RFX4: variants seen among roughly 807,000 people sequenced by gnomAD.
RFX4 encodes the protein regulatory factor X4, also known as transcription factor RFX4.
In RFX4, 10 loss-of-function variants were observed where a neutral mutation model predicts 95.0. The ratio of observed to expected loss-of-function variants is 0.11; its 90% CI spans 0.06 to 0.18. The LOEUF is 0.18. Among genes scored for constraint, RFX4 ranks in the 10% least tolerant of loss-of-function variants. The pLI is 1.00. For missense variants in RFX4, 640 were observed against 922.0 expected, an observed-to-expected ratio of 0.69 and a Z score of 3.96; for synonymous variants, 321 against 340.7, an observed-to-expected ratio of 0.94 and a Z score of 0.64.
chr12:106,597,411 G>C (rs1445713639), intron 1 of RFX4, among the ~76,000 whole-genome samples: 1 of 152,158 alleles, frequency 6.6e-6, no homozygotes, highest in Non-Finnish European at 1.5e-5. Flanking sequence ...GAATCAAACA[G>C]GAAAGGTGAT....
At chr12:106,705,672 A>T (rs2042070560) in intron 8 of RFX4, among the ~76,000 whole-genome samples, 1 of 152,040 alleles carries the variant, frequency 6.6e-6, no homozygotes, top group Admixed American at 6.5e-5. Context: ...AGTGTTGGAG[A>T]AACTGAATGG....
chr12:106,733,160 A>G lies in RFX4; in HGVS notation c.1633+75A>G, dbSNP rs772559595. ...GGCTTTCTGCCAGCCTGGGCAACATAGTGAGACTTCATTTCCACACACACA... is the reference window on the plus strand; with the variant it reads ...GGCTTTCTGCCAGCCTGGGCAACATGGTGAGACTTCATTTCCACACACACA... On this transcript the variant is annotated intron_variant, in intron 15 of 17. Coordinates refer to ENST00000392842, the MANE Select transcript of RFX4 (RefSeq NM_213594.3). 2.7e-6 allele frequency: 4 copies of G among 1,486,788 alleles called. No individual in the cohort carries two copies. In the Admixed American group the frequency reaches 6.8e-5, roughly 25 times the overall value. The allele number at this position is 1,486,788 out of a possible 1,614,324, so 92.1% of individuals were successfully genotyped here.
chr12:106,697,516 G>C (rs188322601), intron 8 of RFX4, among the ~76,000 whole-genome samples: 1 of 151,270 alleles, frequency 6.6e-6, no homozygotes, highest in Non-Finnish European at 1.5e-5. Flanking sequence ...CCACAAACTG[G>C]CGGGGTGACT....
At chr12:106,662,689 T>A (rs975072635) in intron 4 of RFX4, among the ~76,000 whole-genome samples, 2 of 152,156 alleles carry the variant, frequency 1.3e-5, no homozygotes, top group Admixed American at 1.3e-4. Context: ...TGTTTTACAG[T>A]TTTGTGTTTT....
At chr12:106,728,694 T>C (rs1304048810) in intron 13 of RFX4, among the ~76,000 whole-genome samples, 1 of 152,212 alleles carries the variant, frequency 6.6e-6, no homozygotes, top group Non-Finnish European at 1.5e-5. Flanking sequence ...TATCTCCTTT[T>C]CATTTTCCTG....
At chr12:106,679,091 A>G (rs1464270158) in intron 4 of RFX4, among the ~76,000 whole-genome samples, 4 of 152,220 alleles carry the variant, frequency 2.6e-5, no homozygotes, top group African/African-American at 9.6e-5. Context: ...TGAGTATTCC[A>G]GTTTTACTAC....
At chr12:106,754,550 C>T (rs2043074491) in intron 17 of RFX4, among the ~76,000 whole-genome samples, 2 of 152,128 alleles carry the variant, frequency 1.3e-5, no homozygotes, top group Admixed American at 6.6e-5. Flanking sequence ...TTCCTCATTC[C>T]CCCTCATGAA....
intron 13 of RFX4, among the ~76,000 whole-genome samples, chr12:106,730,067 C>T (rs751243622): frequency 1.3e-4 from 20 of 151,864 alleles, no homozygotes; most frequent in Non-Finnish European, 2.6e-4. Context: ...TCTGTGGGAA[C>T]AAGGACAGGA....
rs2039453273 is a variant in RFX4 at position 106,586,118 on chromosome 12, C to T, written c.43+2755C>T. ...TGCCGAGCCCGACAAAGCAAAGCCCCTCTCGGAGGCAAAGCCCCAGCTTGC... is the reference window on the plus strand; with the variant it reads ...TGCCGAGCCCGACAAAGCAAAGCCCTTCTCGGAGGCAAAGCCCCAGCTTGC... On this transcript the variant is annotated intron_variant, in intron 1 of 17. Coordinates refer to ENST00000392842, the MANE Select transcript of RFX4 (RefSeq NM_213594.3). This position sits in a 1 kb window ranked among gnomAD's most constrained non-coding sequence, Gnocchi z 5.6. 6.6e-6 allele frequency: 1 copy of T among 152,248 alleles called. No homozygotes were observed. The highest frequency in any genetic ancestry group is 1.5e-5 in the Non-Finnish European group (1 of 68,040). The allele number at this position is 152,248 out of a possible 1,614,324, so 9.4% of individuals were successfully genotyped here. A position where few individuals can be genotyped will look rare whatever the true frequency, so the allele number is the denominator to read the frequency against.
chr12:106,715,380 T>A lies in RFX4; in HGVS notation c.994-20T>A. 1 of 1,607,114 alleles carries A rather than the reference T, an allele frequency of 6.2e-7. No homozygotes were observed. Among genetic ancestry groups the A allele is most frequent in the Non-Finnish European group, 8.5e-7 (1 of 1,174,898 alleles). ...TTTTAACAACCCATGAGCTAACGAG[T>A]TGATTGGATTGGATTATAGGCATCT... On this transcript the variant is annotated intron_variant, in intron 10 of 17. Coordinates refer to ENST00000392842, the MANE Select transcript of RFX4 (RefSeq NM_213594.3).
chr12:106,732,933 G>A lies in RFX4; in HGVS notation c.1481G>A (p.Arg494Gln), dbSNP rs201949313. The A allele has an allele frequency of 1.2e-4, 191 of 1,613,904 alleles. No homozygotes were observed. The East Asian group carries it at 1.9e-3, about 16-fold the overall frequency. The change falls in exon 15 of 18, where the codon CGA becomes CAA. Residue 494 changes from arginine (R) to glutamine (Q), a missense_variant. Coordinates refer to ENST00000392842, the MANE Select transcript of RFX4 (RefSeq NM_213594.3). ...MKGEGSTAEV[R>Q]EEIILTEAAA... Reference sequence around the variant, plus strand: ...CTATCTCTATCCACAGCAGAAGTCCGAGAAGAGATCATCTTGACAGAGGCT... The same window carrying A: ...CTATCTCTATCCACAGCAGAAGTCCAAGAAGAGATCATCTTGACAGAGGCT...
At chr12:106,590,240 C>G (rs1379192160) in intron 1 of RFX4, among the ~76,000 whole-genome samples, 1 of 152,196 alleles carries the variant, frequency 6.6e-6, no homozygotes, top group Non-Finnish European at 1.5e-5. Context: ...GGGATTGATA[C>G]AACCAGCTGA....
chr12:106,601,209 A>T (rs1021227198), intron 1 of RFX4: 23 of 1,542,570 alleles, frequency 1.5e-5, no homozygotes, highest in African/African-American at 2.7e-5. Flanking sequence ...GGGCTTCTCC[A>T]AACTCCTGTG....
intron 11 of RFX4, among the ~76,000 whole-genome samples, chr12:106,715,838 T>A (rs2042278846): frequency 6.6e-6 from 1 of 152,120 alleles, no homozygotes; most frequent in South Asian, 2.1e-4. Flanking sequence ...TCCATGGAGG[T>A]GGCATTAAAT....
At position 106,762,357 on chromosome 12, in the gene RFX4, C is replaced by T. The variant is rs543106072; in HGVS notation, c.*888C>T. 1.1e-4 allele frequency: 17 copies of T among 152,576 alleles called. No homozygotes were observed. The highest frequency in any genetic ancestry group is 4.1e-4 in the African/African-American group (17 of 41,504). The allele number at this position is 152,576 out of a possible 1,614,324, so 9.5% of individuals were successfully genotyped here. ...GGAACAAACTTTAACTTACCAAGCA[C>T]CAAGTGTGAAAGTGACTTTCACGGT... On this transcript the variant is annotated 3_prime_UTR_variant, in exon 18 of 18. Coordinates refer to ENST00000392842, the MANE Select transcript of RFX4 (RefSeq NM_213594.3).
In RFX4 at chr12:106,715,395, T is replaced by C; in HGVS notation, c.994-5T>C. 3.7e-6 allele frequency: 6 copies of C among 1,613,876 alleles called. No individual in the cohort carries two copies. The highest frequency in any genetic ancestry group is 5.1e-6 in the Non-Finnish European group (6 of 1,179,836). The stretch of plus-strand genomic sequence containing the variant: ...AGCTAACGAGTTGATTGGATTGGAT[T>C]ATAGGCATCTCGAACAGTGATCCAC... On this transcript the variant is annotated splice_region_variant and splice_polypyrimidine_tract_variant and intron_variant, in intron 10 of 17. Transcript: ENST00000392842.
intron 16 of RFX4, among the ~76,000 whole-genome samples, chr12:106,749,742 G>A (rs966316038): frequency 1.3e-5 from 2 of 152,144 alleles, no homozygotes; most frequent in African/African-American, 4.8e-5. Context: ...CAGAATGACC[G>A]TGCGCAGCAT....
chr12:106,660,784 A>G (rs2041054664), intron 4 of RFX4, among the ~76,000 whole-genome samples: 1 of 152,084 alleles, frequency 6.6e-6, no homozygotes, highest in African/African-American at 2.4e-5. Flanking sequence ...CTCCTGTCAG[A>G]TCAGTGGTGG....
chr12:106,694,207 T>C lies in RFX4; in HGVS notation c.670-2076T>C, dbSNP rs183622962. 3.6e-3 allele frequency among the ~76,000 whole-genome samples: 552 copies of C among 152,330 alleles called. 6 individuals are homozygous for C. Among genetic ancestry groups the C allele is most frequent in the Non-Finnish European group, 3.9e-3 (264 of 68,030 alleles). On this transcript the variant is annotated intron_variant, in intron 7 of 17. Coordinates refer to ENST00000392842, the MANE Select transcript of RFX4 (RefSeq NM_213594.3). ...ACCACTACGATCATGTTTTCGGCAA[T>C]CACCACTTCTCTCCTAGGAAGTCAG...
Sources: allele counts gnomAD v4.1 joint callset (sites outside exome capture counted in the v4.1 genomes callset), GRCh38; gene constraint gnomAD v4.1.1; non-coding constraint Gnocchi (gnomAD v3.1); transcripts MANE v1.5; gene names NCBI Gene and HGNC (gene_info 2026-07-23, HGNC 2026-07-21).